BTAF1: variants seen among roughly 807,000 people sequenced by gnomAD.
BTAF1 encodes the protein B-TFIID TATA-box binding protein associated factor 1.
A neutral mutation model predicts 227.1 loss-of-function variants in BTAF1; 38 were observed. The ratio of observed to expected loss-of-function variants is 0.17; its 90% confidence interval spans 0.13 to 0.22. BTAF1 has a LOEUF of 0.22. Ranked by LOEUF, BTAF1 falls within the 10% of genes least tolerant of loss-of-function variation. The probability of loss-of-function intolerance (pLI) is 1.00; values close to 1 mark genes in which losing one functional copy is unlikely to be tolerated. For missense variants in BTAF1, 1,598 were observed against 2,204.0 expected (o/e 0.73, Z 5.51); for synonymous variants, 742 against 751.9 (o/e 0.99, Z 0.21).
chr10:92,028,221 G>C (rs942015416), intron 37 of BTAF1, among the ~76,000 whole-genome samples: 1 of 152,108 alleles, frequency 6.6e-6, no homozygotes, highest in African/African-American at 2.4e-5. Flanking sequence ...TATTCTTATG[G>C]GTGACTTTCA....
At position 91,935,764 on chromosome 10, in the gene BTAF1, A is replaced by G. The variant is rs776591753; in HGVS notation, c.122A>G (p.Asn41Ser). 161 of 1,610,818 alleles carry G rather than the reference A, an allele frequency of 1.0e-4. 1 individual carries two copies. In the East Asian group the frequency reaches 3.5e-3, roughly 35 times the overall value. Residue 41 changes from asparagine to serine, a missense_variant, in exon 2 of 38, where the codon AAT (asparagine) becomes AGT (serine). Coordinates refer to ENST00000265990, the MANE Select transcript of BTAF1 (RefSeq NM_003972.3). ...EVVKLHPHELNNLLSKVLIYL... is the reference protein window; with the variant it reads ...EVVKLHPHELSNLLSKVLIYL... ...GTGAAGCTTCATCCCCATGAACTAA[A>G]TAATCTCCTGTCTAAAGTAAGAACT...
At chr10:91,997,165 G>A (rs778901969) in intron 24 of BTAF1, 87 of 1,286,944 alleles carry the variant, frequency 6.8e-5, no homozygotes, top group South Asian at 8.6e-5. Flanking sequence ...GGAGAACTGC[G>A]CTTACTAGGC....
intron 30 of BTAF1, among the ~76,000 whole-genome samples, chr10:92,012,769 T>C (rs1199815936): frequency 7.3e-5 from 1 of 13,716 alleles, no homozygotes. Flanking sequence ...AGACTCTGTC[T>C]CAAAAAAAAA....
chr10:91,972,509 ATT>A (rs1268960557), intron 14 of BTAF1, among the ~76,000 whole-genome samples: 1 of 152,174 alleles, frequency 6.6e-6, no homozygotes, highest in Non-Finnish European at 1.5e-5. Flanking sequence ...TATCTAAATC[ATT>A]GTTTAAAGTC....
intron 33 of BTAF1, 26 bp downstream of exon 33, chr10:92,016,491 T>G (rs1301633826): frequency 6.5e-7 from 1 of 1,535,724 alleles, no homozygotes; most frequent in Non-Finnish European, 8.7e-7. Context: ...TACTTTTTTT[T>G]TTTTTGAGAT....
At chr10:91,949,924 C>T (rs1845632442) in intron 4 of BTAF1, among the ~76,000 whole-genome samples, 1 of 151,902 alleles carries the variant, frequency 6.6e-6, no homozygotes, top group Non-Finnish European at 1.5e-5. Context: ...CTGCTTGAGG[C>T]CAGGAGTTCA....
At chr10:91,935,975 G>A (rs971604776) in intron 2 of BTAF1, among the ~76,000 whole-genome samples, 195 bp downstream of exon 2, 3 of 147,306 alleles carry the variant, frequency 2.0e-5, no homozygotes, top group African/African-American at 2.5e-5. Context: ...AGTATAGATC[G>A]TTTTGCCTGT....
At chr10:91,969,787 A>AAC (rs1847164751) in intron 14 of BTAF1, among the ~76,000 whole-genome samples, 1 of 152,070 alleles carries the variant, frequency 6.6e-6, no homozygotes, top group African/African-American at 2.4e-5. Flanking sequence ...AACATGGTGA[A>AAC]ACCCTGTCTC....
intron 14 of BTAF1, 51 bp from the exon 15 acceptor site, chr10:91,980,402 CT>C (rs1239855987): frequency 7.6e-7 from 1 of 1,315,632 alleles, no homozygotes; most frequent in Non-Finnish European, 1.1e-6. Flanking sequence ...TTCAGGTAAG[CT>C]AACATCCAAG....
At chr10:91,981,622 T>C in intron 15 of BTAF1, 21 bp from the exon 16 acceptor site, 1 of 1,558,848 alleles carries the variant, frequency 6.4e-7, no homozygotes, top group Non-Finnish European at 8.6e-7. Context: ...TTCACTTTCA[T>C]GTCCCCCTTT....
At chr10:92,026,187 A>C (rs1390040295) in intron 35 of BTAF1, among the ~76,000 whole-genome samples, 1 of 152,148 alleles carries the variant, frequency 6.6e-6, no homozygotes, top group South Asian at 2.1e-4. Flanking sequence ...GGACTAGTAC[A>C]GTAGTAGCAA....
Position 91,923,851 on chromosome 10 carries a change from C to A in BTAF1, c.-226C>A, listed in dbSNP as rs572865179. Reference sequence around the variant, plus strand: ...GAAGTCGTGCGGGTCGGAGGACTGCCGCCTCCGCTACCGTCTTGGACCCCT... The same window carrying A: ...GAAGTCGTGCGGGTCGGAGGACTGCAGCCTCCGCTACCGTCTTGGACCCCT... On this transcript the variant is annotated 5_prime_UTR_variant, in exon 1 of 38. Transcript: ENST00000265990. The A allele has an allele frequency of 1.3e-5, 6 of 459,482 alleles. No individual in the cohort carries two copies. The South Asian group carries it at 2.0e-4, about 15-fold the overall frequency. 28.5% of individuals were successfully genotyped at this position (459,482 alleles called of 1,614,324 possible).
At chr10:91,928,908 T>A (rs1251392071) in intron 1 of BTAF1, among the ~76,000 whole-genome samples, 1 of 152,072 alleles carries the variant, frequency 6.6e-6, no homozygotes, top group Non-Finnish European at 1.5e-5. Flanking sequence ...AATCACGGCC[T>A]CAAGTGATCC....
chr10:91,936,335 G>T (rs1187875484), intron 2 of BTAF1, among the ~76,000 whole-genome samples: 3 of 150,570 alleles, frequency 2.0e-5, no homozygotes, highest in Non-Finnish European at 4.4e-5. Flanking sequence ...TTAATTTCCT[G>T]ATGTGCAGAG....
chr10:92,024,614 G>C (rs1319209954), intron 34 of BTAF1, 142 bp from the exon 35 acceptor site: 2 of 685,432 alleles, frequency 2.9e-6, no homozygotes, highest in Admixed American at 2.9e-5. Context: ...CAGGGTGACA[G>C]ATTGCAGCCC....
intron 1 of BTAF1, chr10:91,935,186 A>G (rs1027690419): frequency 6.5e-5 from 10 of 152,724 alleles, no homozygotes; most frequent in African/African-American, 2.4e-4. Context: ...ACACATATAC[A>G]ATGTAATGAT....
At chr10:91,981,158 G>C (rs1848036540) in intron 15 of BTAF1, among the ~76,000 whole-genome samples, 1 of 152,096 alleles carries the variant, frequency 6.6e-6, no homozygotes, top group Non-Finnish European at 1.5e-5. Flanking sequence ...CCCATTAAAT[G>C]TTAGGCATCA....
chr10:91,950,345 C>CT (rs1845685476), intron 4 of BTAF1, among the ~76,000 whole-genome samples: 2 of 130,028 alleles, frequency 1.5e-5, no homozygotes, highest in Non-Finnish European at 3.4e-5. Flanking sequence ...TAAGTAAATG[C>CT]CTTTTTTTTT....
At chr10:91,933,617 A>G (rs1296486971) in intron 1 of BTAF1, among the ~76,000 whole-genome samples, 1 of 152,216 alleles carries the variant, frequency 6.6e-6, no homozygotes, top group Non-Finnish European at 1.5e-5. Context: ...AGAAGAGTCA[A>G]GAAAAATTGA....
Sources: gnomAD v4.1 joint callset for allele counts (sites outside exome capture counted in the v4.1 genomes callset) on GRCh38, gnomAD v4.1.1 for gene constraint, MANE v1.5 for transcripts, NCBI Gene and HGNC (gene_info 2026-07-23, HGNC 2026-07-21) for gene names.